DOCK7: variants seen among roughly 807,000 people sequenced by gnomAD.
DOCK7 encodes dedicator of cytokinesis protein 7.
DOCK7 carries 138 observed loss-of-function variants against 271.0 expected under a neutral mutation model. That is an observed-to-expected ratio of 0.51 (90% CI 0.44 to 0.59). The LOEUF is 0.59. Ranked by LOEUF, DOCK7 falls within the 20% of genes least tolerant of loss-of-function variation. The pLI, the probability that DOCK7 is intolerant of heterozygous loss-of-function variation, is 0.00. For missense variants in DOCK7, 2,066 were observed against 2,592.4 expected (o/e 0.80, Z 4.41); for synonymous variants, 823 against 876.1 (o/e 0.94, Z 1.07).
At chr1:62,494,768 C>A (rs1427807542) in intron 39 of DOCK7, 4 of 234,478 alleles carry the variant, frequency 1.7e-5, no homozygotes, top group Admixed American at 5.6e-5. Context: ...GTGTTCATTA[C>A]AGAAACATAG....
intron 22 of DOCK7, among the ~76,000 whole-genome samples, chr1:62,550,363 T>TA (rs1263058537): frequency 2.0e-5 from 3 of 152,128 alleles, no homozygotes; most frequent in Admixed American, 6.5e-5. Flanking sequence ...GATAGCATGG[T>TA]AAAAGTTTAT....
intron 1 of DOCK7, among the ~76,000 whole-genome samples, chr1:62,671,887 T>A (rs1557889668): frequency 6.6e-6 from 1 of 151,378 alleles, no homozygotes; most frequent in African/African-American, 2.4e-5. Context: ...AAGGGCTGGT[T>A]ACAGAATTAC....
chr1:62,503,374 A>G (rs1226833576), intron 37 of DOCK7, among the ~76,000 whole-genome samples: 1 of 152,168 alleles, frequency 6.6e-6, no homozygotes, highest in East Asian at 1.9e-4. Flanking sequence ...TCCACAGTAA[A>G]GAAAGGGAGA....
chr1:62,582,357 C>T (rs1374029104), intron 16 of DOCK7, among the ~76,000 whole-genome samples: 12 of 150,316 alleles, frequency 8.0e-5, no homozygotes, highest in Non-Finnish European at 1.6e-4. Context: ...GAGACCATCC[C>T]GGCTAAAACG....
rs536526261 is a variant in DOCK7, at chr1:62,652,282, T to C, written c.389+1443A>G. 2.6e-5 allele frequency among the ~76,000 whole-genome samples: 4 copies of C among 152,294 alleles called. No individual in the cohort carries two copies. In the South Asian group the frequency reaches 8.3e-4, roughly 32 times the overall value. On this transcript the variant is annotated intron_variant, in intron 4 of 49. Transcript: ENST00000635253. ...TCTGTACTATAGTTTTCTCTTACAT[T>C]CCAATCACACCTATCTTCTTTGTTT... is the stretch of plus-strand genomic sequence containing the variant.
chr1:62,628,533 C>T (rs780783095), intron 11 of DOCK7: 1 of 152,138 alleles, frequency 6.6e-6, no homozygotes, highest in Non-Finnish European at 1.5e-5. Flanking sequence ...TCACAACATA[C>T]AAATATTAAC....
At chr1:62,517,060 C>T (rs532152527) in intron 31 of DOCK7, among the ~76,000 whole-genome samples, 1 of 152,122 alleles carries the variant, frequency 6.6e-6, no homozygotes, top group Non-Finnish European at 1.5e-5. Flanking sequence ...ATTTTAAACA[C>T]TACTTTTTGT....
chr1:62,654,576 A>T (rs1657767603), intron 2 of DOCK7, among the ~76,000 whole-genome samples: 1 of 152,198 alleles, frequency 6.6e-6, no homozygotes, highest in Non-Finnish European at 1.5e-5. Flanking sequence ...TTATCCTAGT[A>T]AAAACATATA....
intron 43 of DOCK7, chr1:62,482,211 C>T (rs1366942023): frequency 6.6e-6 from 1 of 152,160 alleles, no homozygotes; most frequent in Non-Finnish European, 1.5e-5. Flanking sequence ...CTTATCACAA[C>T]TTTATGTGAT....
rs1255945462 is a variant in DOCK7 at position 62,543,717 on chromosome 1, G to A, written c.2888C>T (p.Ser963Phe). 6.3e-7 allele frequency: 1 copy of A among 1,599,356 alleles called. No individual in the cohort carries two copies. Among genetic ancestry groups the A allele is most frequent in the East Asian group, 2.2e-5 (1 of 44,722 alleles). The change falls in exon 24 of 50, where the codon TCT (serine) becomes TTT (phenylalanine). Residue 963 changes from serine (S) to phenylalanine (F), a missense_variant. Ser to Phe is a radical substitution (Grantham distance 155, BLOSUM62 -2). Around this residue, in one of 2 missense-constraint regions of DOCK7, gnomAD observed 1,414 missense variants for 1,670.4 expected, o/e 0.85. Transcript: ENST00000635253. ...QAMDRSCNRMSSHTETSSFLQ... is the reference protein window; with the variant it reads ...QAMDRSCNRMFSHTETSSFLQ... ...GAAACTTGACGTCTCTGTGTGCGAAGACATACGATTACAACTTCGATCCAT... is the reference window on the plus strand; with the variant it reads ...GAAACTTGACGTCTCTGTGTGCGAAAACATACGATTACAACTTCGATCCAT...
intron 18 of DOCK7, among the ~76,000 whole-genome samples, chr1:62,571,136 G>A (rs12735272): frequency 0.59 from 88,615 of 151,460 alleles, 27,518 homozygotes; most frequent in East Asian, 0.76. Context: ...CGATGGGAGA[G>A]AAATTTTGCA....
At chr1:62,670,105 CG>C (rs200247728) in intron 1 of DOCK7, among the ~76,000 whole-genome samples, 5,531 of 152,280 alleles carry the variant, frequency 0.036, 238 homozygotes, top group African/African-American at 0.1. Flanking sequence ...GATTTCTCGC[CG>C]GGCCTTGGCT....
At chr1:62,518,857 T>C (rs1024101103) in intron 31 of DOCK7, among the ~76,000 whole-genome samples, 3 of 151,850 alleles carry the variant, frequency 2.0e-5, no homozygotes, top group Middle Eastern at 3.4e-3. Flanking sequence ...TTAAACTAAA[T>C]GTAAATGGAT....
At chr1:62,682,161 C>G (rs1661244744) in intron 1 of DOCK7, among the ~76,000 whole-genome samples, 1 of 152,028 alleles carries the variant, frequency 6.6e-6, no homozygotes, top group Non-Finnish European at 1.5e-5. Flanking sequence ...GAGAACAAGT[C>G]AACAAAAGGA....
rs56115463 is a variant in DOCK7, at chr1:62,540,080, C to A, written c.3046-188G>T. ...ATTTGCTTAAAATAAAATAAAAAAA[C>A]CACCATATTACTTTCAGAAAATTAT... On this transcript the variant is annotated intron_variant, in intron 25 of 49. Transcript: ENST00000635253. 0.13 allele frequency among the ~76,000 whole-genome samples: 19,040 copies of A among 151,758 alleles called. 1,287 individuals carry two copies. The highest frequency in any genetic ancestry group is 0.25 in the South Asian group (1,224 of 4,802).
chr1:62,457,784 T>A (rs927130584), intron 48 of DOCK7, 79 bp from the exon 49 acceptor site: 1 of 1,300,216 alleles, frequency 7.7e-7, no homozygotes. Flanking sequence ...GCAAAATACA[T>A]ATACATATAT....
At chr1:62,582,307 T>TAAGCC (rs1647152960) in intron 16 of DOCK7, among the ~76,000 whole-genome samples, 1 of 151,702 alleles carries the variant, frequency 6.6e-6, no homozygotes, top group African/African-American at 2.4e-5. Context: ...TCCCAGCACT[T>TAAGCC]TGGGAGGCCG....
intron 15 of DOCK7, chr1:62,584,177 G>A (rs1235845331): frequency 1.0e-6 from 1 of 983,868 alleles, no homozygotes; most frequent in African/African-American, 1.7e-5. Context: ...GGGCATATTA[G>A]CAGGTATTTC....
At chr1:62,665,337 T>A (rs1412496796) in intron 1 of DOCK7, among the ~76,000 whole-genome samples, 1 of 152,174 alleles carries the variant, frequency 6.6e-6, no homozygotes, top group Admixed American at 6.5e-5. Context: ...TTCATTATTA[T>A]GTTTAGCTTG....
Sources: allele counts gnomAD v4.1 joint callset (sites outside exome capture counted in the v4.1 genomes callset), GRCh38; gene constraint gnomAD v4.1.1; regional missense constraint gnomAD v4.1.1; transcripts MANE v1.5; gene names NCBI Gene and HGNC (gene_info 2026-07-23, HGNC 2026-07-21).